RGMB: variants seen among roughly 807,000 people sequenced by gnomAD.
RGMB encodes the protein repulsive guidance molecule BMP co-receptor b.
In RGMB, 16 loss-of-function variants were observed where a neutral mutation model predicts 26.9. The observed-to-expected ratio is 0.60, with a 90% CI of 0.40 to 0.90. RGMB has a LOEUF of 0.90. Among genes scored for constraint, RGMB ranks in the 40% least tolerant of loss-of-function variants. RGMB has a pLI of 0.00. For missense variants in RGMB, 512 were observed against 573.3 expected, an observed-to-expected ratio of 0.89 and a Z score of 1.09; for synonymous variants, 225 against 229.3, an observed-to-expected ratio of 0.98 and a Z score of 0.17.
rs139304857 is a variant in RGMB, at chr5:98,776,350, C to G, written c.136+2144C>G. On this transcript the variant is annotated intron_variant, in intron 1 of 2. Transcript: ENST00000513185. ...GAATGAAAAGAGTATGAAAAGAGTA[C>G]CTTTAGTTGCTTTATTTTATTTTAT... Among the ~76,000 whole-genome samples, 762 of 152,194 alleles carry G rather than the reference C, an allele frequency of 5.0e-3. 19 individuals carry two copies. The highest frequency in any genetic ancestry group is 0.043 in the Admixed American group (652 of 15,288).
chr5:98,787,968 C>T (rs185153320), intron 2 of RGMB, among the ~76,000 whole-genome samples: 115 of 152,340 alleles, frequency 7.5e-4, no homozygotes, highest in South Asian at 1.5e-3. Context: ...TTTCTTCATT[C>T]TCTATCTGCT....
rs367660441 is a variant in RGMB, at chr5:98,791,490, C to T, written c.646-1595C>T. Among the ~76,000 whole-genome samples the T allele has an allele frequency of 1.9e-4, 28 of 144,996 alleles. No individual in the cohort carries two copies. The East Asian group carries it at 4.2e-3, about 22-fold the overall frequency. On this transcript the variant is annotated intron_variant, in intron 2 of 2. Coordinates refer to ENST00000513185, the MANE Select transcript of RGMB (RefSeq NM_001366508.1). Reference sequence around the variant, plus strand: ...GTGGTGAGGACTTCGGGTGGGCAGGCGGGGGGAGGGGGGTGCATTTTCTGG... The same window carrying T: ...GTGGTGAGGACTTCGGGTGGGCAGGTGGGGGGAGGGGGGTGCATTTTCTGG...
intron 2 of RGMB, among the ~76,000 whole-genome samples, chr5:98,788,742 C>T (rs1246484146): frequency 6.6e-6 from 1 of 152,222 alleles, no homozygotes; most frequent in African/African-American, 2.4e-5. Context: ...AAGGCCTCTA[C>T]TTCCTTTAGG....
intron 1 of RGMB, among the ~76,000 whole-genome samples, chr5:98,779,238 C>A (rs1746510515): frequency 6.6e-6 from 1 of 152,080 alleles, no homozygotes; most frequent in African/African-American, 2.4e-5. Flanking sequence ...TTAGAGTAAT[C>A]TTTTTCAAAA....
At chr5:98,788,055 A>T (rs1746817045) in intron 2 of RGMB, among the ~76,000 whole-genome samples, 1 of 152,224 alleles carries the variant, frequency 6.6e-6, no homozygotes, top group Admixed American at 6.5e-5. Context: ...CTGAAGAATA[A>T]GTTTGGTCCA....
At chr5:98,771,001 G>A (rs528228109), upstream of RGMB, 8 of 292,698 alleles carry the variant, frequency 2.7e-5, no homozygotes, top group South Asian at 1.3e-3. Flanking sequence ...TTCTGGAAAT[G>A]GAGACATATT....
At chr5:98,788,638 T>C (rs1421060741) in intron 2 of RGMB, among the ~76,000 whole-genome samples, 3 of 152,084 alleles carry the variant, frequency 2.0e-5, no homozygotes, top group Non-Finnish European at 4.4e-5. Flanking sequence ...GTGGACAGAG[T>C]ACCTCTGCTC....
intron 2 of RGMB, among the ~76,000 whole-genome samples, chr5:98,781,823 A>C (rs1266534845): frequency 6.6e-6 from 1 of 152,228 alleles, no homozygotes; most frequent in African/African-American, 2.4e-5. Flanking sequence ...TGGTGAAAAT[A>C]TGTGGGGGAT....
rs768159076 is a variant in RGMB, at chr5:98,779,724, G to A, written c.281G>A (p.Arg94Gln). The change falls in exon 2 of 3, where the codon CGA (arginine) becomes CAA (glutamine). Residue 94 changes from arginine to glutamine, a missense_variant. Coordinates refer to ENST00000513185, the MANE Select transcript of RGMB (RefSeq NM_001366508.1). Reference sequence around the variant, plus strand: ...CGTGCCTATGCTGGCTGCACCCAGCGAACTTCAAAAGCCTGCCGTGGCAAC... The same window carrying A: ...CGTGCCTATGCTGGCTGCACCCAGCAAACTTCAAAAGCCTGCCGTGGCAAC... Reference protein sequence around the residue: ...ALRAYAGCTQRTSKACRGNLV... With the variant: ...ALRAYAGCTQQTSKACRGNLV... 27 of 1,612,848 alleles carry A rather than the reference G, an allele frequency of 1.7e-5. No individual in the cohort carries two copies. Among genetic ancestry groups the A allele is most frequent in the South Asian group, 7.7e-5 (7 of 91,006 alleles).
rs1385747043 is a variant in RGMB, at chr5:98,793,480, T to A, written c.1041T>A (p.Pro347=). 6.2e-7 allele frequency: 1 copy of A among 1,613,356 alleles called. No individual in the cohort carries two copies. Among genetic ancestry groups the A allele is most frequent in the African/African-American group, 1.3e-5 (1 of 74,914 alleles). Residue 347 remains proline, a synonymous_variant, in exon 3 of 3, where the codon CCT becomes CCA. Transcript: ENST00000513185. ...GCACCTCCTTGGTGCAGGCCTGGCC[T>A]GGCTACACACTGGAGACTGCCAACA... ...LPRTSLVQAW[P]GYTLETANTQ...
intron 2 of RGMB, 48 bp from the exon 3 acceptor site, chr5:98,793,037 C>A: frequency 6.8e-7 from 1 of 1,470,198 alleles, no homozygotes; most frequent in Non-Finnish European, 9.2e-7. Flanking sequence ...TTACCCCGTT[C>A]TGCTTCCTTC....
At chr5:98,768,853 G>C (rs1420420352), upstream of RGMB, 1 of 152,258 alleles carries the variant, frequency 6.6e-6, no homozygotes, top group African/African-American at 2.4e-5. Flanking sequence ...GATCATTTAC[G>C]GAGAGAAAGG....
chr5:98,770,771 C>A, upstream of RGMB: 1 of 698,410 alleles, frequency 1.4e-6, no homozygotes, highest in Non-Finnish European at 2.1e-6. Flanking sequence ...ACTGTTCTAA[C>A]GCTTTTTAAT....
chr5:98,775,941 A>G (rs1369830325), intron 1 of RGMB, among the ~76,000 whole-genome samples: 1 of 152,216 alleles, frequency 6.6e-6, no homozygotes, highest in Non-Finnish European at 1.5e-5. Flanking sequence ...GTTGTTTCTC[A>G]GATAAGGGAA....
chr5:98,774,039 C>A lies in RGMB; in HGVS notation c.-32C>A. 3 of 766,900 alleles carry A rather than the reference C, an allele frequency of 3.9e-6. 1 individual carries two copies. Among genetic ancestry groups the A allele is most frequent in the South Asian group, 3.3e-5 (2 of 61,482 alleles). The allele number at this position is 766,900 out of a possible 1,614,324, so 47.5% of individuals were successfully genotyped here. A position where few individuals can be genotyped will look rare whatever the true frequency, so the allele number is the denominator to read the frequency against. On this transcript the variant is annotated 5_prime_UTR_variant, in exon 1 of 3. Coordinates refer to ENST00000513185, the MANE Select transcript of RGMB (RefSeq NM_001366508.1). ...GCCACGGCGCCCGCGCCGCCGCCCT[C>A]GCCGGAGCCCACGAGACCTGCATGG...
At chr5:98,785,584 A>G (rs1746746550) in intron 2 of RGMB, among the ~76,000 whole-genome samples, 1 of 152,198 alleles carries the variant, frequency 6.6e-6, no homozygotes, top group South Asian at 2.1e-4. Flanking sequence ...ACAACCTAGC[A>G]GGGCCTAGAA....
chr5:98,792,781 A>AC (rs1259119736), intron 2 of RGMB: 1 of 198,588 alleles, frequency 5.0e-6, no homozygotes, highest in African/African-American at 2.3e-5. Flanking sequence ...TAAAAAAAAA[A>AC]AAAAAAAAAA....
At chr5:98,783,114 G>A (rs1182461901) in intron 2 of RGMB, among the ~76,000 whole-genome samples, 1 of 152,144 alleles carries the variant, frequency 6.6e-6, no homozygotes, top group Non-Finnish European at 1.5e-5. Context: ...GGTGTGCACA[G>A]GTATGCTTTC....
chr5:98,777,785 CAT>C (rs1214203970), intron 1 of RGMB, among the ~76,000 whole-genome samples: 3 of 152,138 alleles, frequency 2.0e-5, no homozygotes, highest in Non-Finnish European at 4.4e-5. Flanking sequence ...AATGAGCAAA[CAT>C]AAAGTAGATT....
Sources: allele counts gnomAD v4.1 joint callset (sites outside exome capture counted in the v4.1 genomes callset), GRCh38; gene constraint gnomAD v4.1.1; transcripts MANE v1.5; gene names NCBI Gene and HGNC (gene_info 2026-07-23, HGNC 2026-07-21).